The following VEPH1 variants were observed in gnomAD, a reference collection of about 807,000 sequenced individuals.
VEPH1 encodes the protein ventricular zone expressed PH domain containing 1, also known as ventricular zone-expressed PH domain-containing protein homolog 1.
A neutral mutation model predicts 85.2 loss-of-function variants in VEPH1; 80 were observed. That is an observed-to-expected ratio of 0.94 (90% CI 0.78 to 1.13). The LOEUF is 1.13. Among genes scored for constraint, VEPH1 ranks in the 50% most tolerant of loss-of-function variants. VEPH1 has a pLI of 0.00. For synonymous variants in VEPH1, 297 were observed against 348.0 expected (o/e 0.85, Z 1.63); for missense variants, 955 against 980.5 (o/e 0.97, Z 0.35).
At chr3:157,391,329 T>G (rs1381477823) in intron 6 of VEPH1, among the ~76,000 whole-genome samples, 1 of 152,182 alleles carries the variant, frequency 6.6e-6, no homozygotes. Flanking sequence ...TTGTGACTCA[T>G]TTTTCCACTG....
chr3:157,268,255 A>T (rs1714021585), intron 12 of VEPH1, among the ~76,000 whole-genome samples: 1 of 152,138 alleles, frequency 6.6e-6, no homozygotes, highest in African/African-American at 2.4e-5. Flanking sequence ...GCGTTCCTTG[A>T]GATCAGGAAC....
At chr3:157,477,015 G>A (rs186305184) in intron 2 of VEPH1, among the ~76,000 whole-genome samples, 1 of 152,280 alleles carries the variant, frequency 6.6e-6, no homozygotes, top group Admixed American at 6.5e-5. Context: ...AGGTTGTAAA[G>A]GAGGGATACT....
intron 12 of VEPH1, among the ~76,000 whole-genome samples, chr3:157,269,222 G>A (rs1714167645): frequency 1.3e-5 from 2 of 152,182 alleles, no homozygotes; most frequent in South Asian, 4.1e-4. Flanking sequence ...TGTGACAAAA[G>A]TTTACAATGA....
intron 6 of VEPH1, among the ~76,000 whole-genome samples, chr3:157,386,462 C>T (rs1217933357): frequency 2.0e-5 from 3 of 152,100 alleles, no homozygotes; most frequent in Non-Finnish European, 4.4e-5. Context: ...TCTACTGCTT[C>T]ATCAGGTTAA....
intron 11 of VEPH1, among the ~76,000 whole-genome samples, chr3:157,306,992 G>A (rs1264486013): frequency 6.6e-6 from 1 of 151,928 alleles, no homozygotes; most frequent in Non-Finnish European, 1.5e-5. Context: ...ATGGCCTCCT[G>A]CTCCAGCCAA....
chr3:157,466,639 T>C (rs1170599473), intron 3 of VEPH1, among the ~76,000 whole-genome samples: 2 of 152,214 alleles, frequency 1.3e-5, no homozygotes, highest in Non-Finnish European at 2.9e-5. Flanking sequence ...AGAGAGAAAA[T>C]ACTTTGCCAA....
chr3:157,322,830 A>G (rs1721500415), intron 9 of VEPH1, among the ~76,000 whole-genome samples: 1 of 152,236 alleles, frequency 6.6e-6, no homozygotes, highest in Non-Finnish European at 1.5e-5. Context: ...CGCAATGAAT[A>G]AATAATACTG....
At position 157,428,567 on chromosome 3, in the gene VEPH1, A is replaced by G. The variant is rs548154821; in HGVS notation, c.530-79T>C. ...AAATAACATTATTACCAATGTAATAATATTTGCACTTACACATTAAATAGC... is the reference window on the plus strand; with the variant it reads ...AAATAACATTATTACCAATGTAATAGTATTTGCACTTACACATTAAATAGC... On this transcript the variant is annotated intron_variant, in intron 4 of 13. Transcript: ENST00000362010. 165 of 1,416,802 alleles carry G rather than the reference A, an allele frequency of 1.2e-4. 3 individuals are homozygous for G. The African/African-American group carries it at 1.8e-3, about 15-fold the overall frequency. The allele number at this position is 1,416,802 out of a possible 1,614,324, so 87.8% of individuals were successfully genotyped here. A position where few individuals can be genotyped will look rare whatever the true frequency, so the allele number is the denominator to read the frequency against.
Position 157,363,704 on chromosome 3 carries a change from G to C in VEPH1, c.1395C>G (p.Gly465=), listed in dbSNP as rs575744014. The C allele has an allele frequency of 6.2e-7, 1 of 1,613,952 alleles. No homozygotes were observed. Among genetic ancestry groups the C allele is most frequent in the Non-Finnish European group, 8.5e-7 (1 of 1,179,980 alleles). ...MLTKGVGSDD[G]EDENRGDIPA... The stretch of plus-strand genomic sequence containing the variant: ...GTATGTCTCCCCTGTTTTCATCTTC[G>C]CCGTCATCTGAACCCACACCCTTTG... Residue 465 remains glycine (G), a synonymous_variant, in exon 9 of 14, where the codon GGC becomes GGG. Coordinates refer to ENST00000362010, the MANE Select transcript of VEPH1 (RefSeq NM_001167912.2).
chr3:157,425,583 T>C (rs1312763857), intron 5 of VEPH1, among the ~76,000 whole-genome samples: 1 of 152,236 alleles, frequency 6.6e-6, no homozygotes, highest in Admixed American at 6.5e-5. Flanking sequence ...CCCCTGGATT[T>C]GGCCAATTTC....
At chr3:157,382,083 C>T (rs1029819726) in intron 6 of VEPH1, among the ~76,000 whole-genome samples, 7 of 152,146 alleles carry the variant, frequency 4.6e-5, no homozygotes, top group South Asian at 2.1e-4. Flanking sequence ...ATCTGTCTGT[C>T]GGGGTGATGG....
rs184411842 is a variant in VEPH1, at chr3:157,495,287, G to A, written c.63C>T (p.Phe21=). 3.8e-5 allele frequency: 62 copies of A among 1,614,062 alleles called. No individual in the cohort carries two copies. The highest frequency in any genetic ancestry group is 2.8e-4 in the Admixed American group (17 of 60,022). ...QKDLSRAGDL[F]SLDDSEIEDS... is the part of the protein sequence containing the mutation. ...CTTCAATCTCAGAGTCATCTAAGGAGAAGAGGTCCCCAGCTCGTGAAAGAT... is the reference window on the plus strand; with the variant it reads ...CTTCAATCTCAGAGTCATCTAAGGAAAAGAGGTCCCCAGCTCGTGAAAGAT... The change falls in exon 2 of 14, where the codon TTC becomes TTT. Residue 21 remains phenylalanine, a synonymous_variant. Coordinates refer to ENST00000362010, the MANE Select transcript of VEPH1 (RefSeq NM_001167912.2).
intron 7 of VEPH1, among the ~76,000 whole-genome samples, chr3:157,377,798 T>G (rs535689923): frequency 6.6e-6 from 1 of 152,278 alleles, no homozygotes; most frequent in Admixed American, 6.5e-5. Flanking sequence ...CCTTTATAAA[T>G]TACTCACTCT....
intron 2 of VEPH1, among the ~76,000 whole-genome samples, chr3:157,493,657 G>A (rs151215918): frequency 0.01 from 1,527 of 152,300 alleles, 21 homozygotes; most frequent in African/African-American, 0.035. Flanking sequence ...TATTTGGACA[G>A]CTTAATGAAT....
intron 3 of VEPH1, among the ~76,000 whole-genome samples, chr3:157,464,467 A>G (rs1736173635): frequency 6.6e-6 from 1 of 152,224 alleles, no homozygotes; most frequent in South Asian, 2.1e-4. Context: ...GCCAGAGCCT[A>G]TGAAAGACCT....
intron 7 of VEPH1, among the ~76,000 whole-genome samples, chr3:157,378,258 G>A (rs1157859986): frequency 6.9e-6 from 1 of 145,376 alleles, no homozygotes; most frequent in Non-Finnish European, 1.5e-5. Context: ...ATGTGTTCAG[G>A]TCATTGCCAG....
chr3:157,426,494 A>AT (rs1197541483), intron 5 of VEPH1, among the ~76,000 whole-genome samples: 1 of 152,136 alleles, frequency 6.6e-6, no homozygotes, highest in Non-Finnish European at 1.5e-5. Context: ...ACCTCATCTG[A>AT]TTTTTTCCCA....
intron 2 of VEPH1, chr3:157,489,179 T>C (rs537934170): frequency 4.4e-6 from 2 of 456,338 alleles, no homozygotes; most frequent in African/African-American, 4.0e-5. Flanking sequence ...AAAACAGGAA[T>C]AGAAAAATTA....
At chr3:157,271,515 G>A (rs1293572506) in intron 12 of VEPH1, among the ~76,000 whole-genome samples, 3 of 152,226 alleles carry the variant, frequency 2.0e-5, no homozygotes, top group Admixed American at 1.3e-4. Context: ...GCAGAGAACA[G>A]TTAGGACTTA....
Sources: gnomAD v4.1 joint callset for allele counts (sites outside exome capture counted in the v4.1 genomes callset) on GRCh38, gnomAD v4.1.1 for gene constraint, MANE v1.5 for transcripts, NCBI Gene and HGNC (gene_info 2026-07-23, HGNC 2026-07-21) for gene names.